The following CCDC150 variants were observed in gnomAD, a reference collection of about 807,000 sequenced individuals.
The protein encoded by CCDC150 is coiled-coil domain-containing protein 150.
A neutral mutation model predicts 156.5 loss-of-function variants in CCDC150; 151 were observed. That is an observed-to-expected ratio of 0.97 (90% CI 0.85 to 1.10). The LOEUF is 1.10. Ranked by LOEUF, CCDC150 falls within the 50% of genes least tolerant of loss-of-function variation. The pLI is 0.00. For missense variants in CCDC150, 1,312 were observed against 1,268.1 expected (o/e 1.03, Z -0.53); for synonymous variants, 452 against 429.4 (o/e 1.05, Z -0.65).
chr2:196,642,674 C>G (rs2125561798), intron 1 of CCDC150, among the ~76,000 whole-genome samples: 1 of 152,284 alleles, frequency 6.6e-6, no homozygotes, highest in Admixed American at 6.5e-5. Flanking sequence ...TTTTGTTTTC[C>G]CATGGCGGGA....
chr2:196,718,762 G>A, intron 18 of CCDC150, 131 bp downstream of exon 18: 3 of 1,208,288 alleles, frequency 2.5e-6, no homozygotes, highest in Non-Finnish European at 3.3e-6. Context: ...TCTTTTTCTG[G>A]AGAAAAGATA....
chr2:196,721,766 A>C, intron 21 of CCDC150, 75 bp downstream of exon 21: 15 of 1,195,226 alleles, frequency 1.3e-5, no homozygotes, highest in Non-Finnish European at 1.7e-5. Flanking sequence ...TAAATGGCTC[A>C]TTCGCATAAA....
chr2:196,673,338 A>G (rs374129990), intron 9 of CCDC150, among the ~76,000 whole-genome samples: 1 of 152,316 alleles, frequency 6.6e-6, no homozygotes, highest in South Asian at 2.1e-4. Context: ...ATTTGAACTC[A>G]GGTAACCTGG....
rs573672011 is a variant in CCDC150 at position 196,669,562 on chromosome 2, T to G, written c.893-271T>G. Among the ~76,000 whole-genome samples, 5 of 152,340 alleles carry G rather than the reference T, an allele frequency of 3.3e-5. No homozygotes were observed. In the South Asian group the frequency reaches 8.3e-4, roughly 25 times the overall value. On this transcript the variant is annotated intron_variant, in intron 7 of 27. Transcript: ENST00000389175. ...TTCATCTCCTTGCCTTTATTGTACC[T>G]TTGTTACAGTGATCTTTCTAACAAA...
chr2:196,689,608 T>A (rs1695321325), intron 13 of CCDC150, among the ~76,000 whole-genome samples: 1 of 152,072 alleles, frequency 6.6e-6, no homozygotes, highest in Non-Finnish European at 1.5e-5. Context: ...ATCCTGAGAC[T>A]TTTCTGAAGT....
intron 2 of CCDC150, among the ~76,000 whole-genome samples, chr2:196,647,673 T>C (rs1055416679): frequency 3.3e-5 from 5 of 152,206 alleles, no homozygotes; most frequent in Admixed American, 2.0e-4. Flanking sequence ...AATGTGACGC[T>C]ATGATGCATG....
At position 196,713,259 on chromosome 2, in the gene CCDC150, C is replaced by T. The variant is rs571640003; in HGVS notation, c.1866+520C>T. On this transcript the variant is annotated intron_variant, in intron 17 of 27. Coordinates refer to ENST00000389175, the MANE Select transcript of CCDC150 (RefSeq NM_001080539.2). Reference sequence around the variant, plus strand: ...TTCAATATATTTTCCATTACGGCTCCTTCTAGAACACTGTGTTGTTTCTCC... The same window carrying T: ...TTCAATATATTTTCCATTACGGCTCTTTCTAGAACACTGTGTTGTTTCTCC... 1.8e-5 allele frequency: 24 copies of T among 1,366,792 alleles called. No individual in the cohort carries two copies. In the South Asian group the frequency reaches 4.1e-4, roughly 23 times the overall value. 84.7% of individuals were successfully genotyped at this position (1,366,792 alleles called of 1,614,324 possible).
intron 14 of CCDC150, among the ~76,000 whole-genome samples, chr2:196,699,106 T>C (rs1696022442): frequency 2.0e-5 from 3 of 152,230 alleles, no homozygotes; most frequent in African/African-American, 7.2e-5. Context: ...GAACTAACTT[T>C]GTGATAATAT....
intron 14 of CCDC150, among the ~76,000 whole-genome samples, chr2:196,698,343 CT>C (rs1436006064): frequency 1.3e-5 from 2 of 152,034 alleles, no homozygotes; most frequent in African/African-American, 4.8e-5. Flanking sequence ...TTAGCATTCT[CT>C]TTAGTGGCAA....
intron 1 of CCDC150, among the ~76,000 whole-genome samples, chr2:196,645,458 C>T (rs762656371): frequency 2.0e-5 from 3 of 152,166 alleles, no homozygotes; most frequent in Admixed American, 6.5e-5. Context: ...CATTCCCATA[C>T]GAACACTATC....
Position 196,658,791 on chromosome 2 carries a change from G to C in CCDC150, c.577-1G>C, listed in dbSNP as rs1470376350. The C allele has an allele frequency of 6.3e-7, 1 of 1,595,764 alleles. No individual in the cohort carries two copies. The highest frequency in any genetic ancestry group is 8.6e-7 in the Non-Finnish European group (1 of 1,168,586). ...AGAATCTTTTCTCCTTCTACTTTTA[G>C]AAGAATGCAGCCATTATTGAAGAGG... On this transcript the variant is annotated splice_acceptor_variant, in intron 4 of 27. Transcript: ENST00000389175. LOFTEE classifies it high-confidence loss of function.
At chr2:196,689,265 T>C (rs1187476969) in intron 13 of CCDC150, among the ~76,000 whole-genome samples, 1 of 152,200 alleles carries the variant, frequency 6.6e-6, no homozygotes, top group African/African-American at 2.4e-5. Flanking sequence ...AAAGTAGTTT[T>C]TTCCAATTCT....
intron 21 of CCDC150, among the ~76,000 whole-genome samples, chr2:196,725,691 A>G (rs1030371944): frequency 6.6e-6 from 1 of 152,212 alleles, no homozygotes. Flanking sequence ...AGTATCTCTT[A>G]AAGTGTTTCT....
intron 15 of CCDC150, among the ~76,000 whole-genome samples, chr2:196,705,481 C>T (rs1177012360): frequency 1.3e-5 from 2 of 152,190 alleles, no homozygotes; most frequent in Non-Finnish European, 2.9e-5. Flanking sequence ...CAAAAATTTT[C>T]TCCCATTCTG....
At chr2:196,641,120 G>T (rs968432120) in intron 1 of CCDC150, among the ~76,000 whole-genome samples, 1 of 150,498 alleles carries the variant, frequency 6.6e-6, no homozygotes, top group African/African-American at 2.5e-5. Flanking sequence ...ACGCCACCAC[G>T]CCCGGCTAAT....
chr2:196,715,177 G>T (rs994186336), intron 17 of CCDC150, among the ~76,000 whole-genome samples: 2 of 152,018 alleles, frequency 1.3e-5, no homozygotes, highest in Non-Finnish European at 2.9e-5. Context: ...ATACTGGCTT[G>T]TACACATGAC....
At chr2:196,719,097 A>T (rs917461262) in intron 18 of CCDC150, among the ~76,000 whole-genome samples, 2 of 152,124 alleles carry the variant, frequency 1.3e-5, no homozygotes, top group Non-Finnish European at 2.9e-5. Flanking sequence ...AGCAGCTTCC[A>T]CTTTCTCTTA....
intron 15 of CCDC150, among the ~76,000 whole-genome samples, chr2:196,703,184 T>G (rs1559257096): frequency 6.6e-6 from 1 of 152,178 alleles, no homozygotes; most frequent in East Asian, 1.9e-4. Flanking sequence ...ATAAGTAATC[T>G]CACTAGAAGC....
At chr2:196,669,963 T>G (rs571575103) in intron 8 of CCDC150, 87 bp downstream of exon 8, 16 of 938,862 alleles carry the variant, frequency 1.7e-5, no homozygotes, top group Non-Finnish European at 2.4e-5. Context: ...TTACAGTGCT[T>G]CTTACTCTCA....
Sources: allele counts gnomAD v4.1 joint callset (sites outside exome capture counted in the v4.1 genomes callset), GRCh38; gene constraint gnomAD v4.1.1; transcripts MANE v1.5; gene names NCBI Gene and HGNC (gene_info 2026-07-23, HGNC 2026-07-21).